The following GNAT3 variants were observed in gnomAD, a reference collection of about 807,000 sequenced individuals.
The protein encoded by GNAT3 is G protein subunit alpha transducin 3, also known as guanine nucleotide-binding protein G(t) subunit alpha-3.
In GNAT3, 31 loss-of-function variants were observed where a neutral mutation model predicts 37.7. That is an observed-to-expected ratio of 0.82 (90% confidence interval 0.62 to 1.11). GNAT3 has a LOEUF of 1.11. Among genes scored for constraint, GNAT3 ranks in the 50% most tolerant of loss-of-function variants. The pLI is 0.00. For missense variants in GNAT3, 437 were observed against 412.5 expected, an observed-to-expected ratio of 1.06 and a Z score of -0.51; for synonymous variants, 138 against 139.8, an observed-to-expected ratio of 0.99 and a Z score of 0.09.
At chr7:80,474,488 T>C in intron 4 of GNAT3, 109 bp from the exon 5 acceptor site, 1 of 401,170 alleles carries the variant, frequency 2.5e-6, no homozygotes, top group Non-Finnish European at 4.2e-6. Flanking sequence ...TATATATATA[T>C]ATTTTTAACT....
intron 3 of GNAT3, among the ~76,000 whole-genome samples, chr7:80,485,668 A>T (rs1406470604): frequency 6.6e-6 from 1 of 152,154 alleles, no homozygotes; most frequent in Non-Finnish European, 1.5e-5. Flanking sequence ...TAATAGTTTA[A>T]TAAAAAATAA....
intron 1 of GNAT3, among the ~76,000 whole-genome samples, chr7:80,503,341 T>C (rs1464033568): frequency 3.9e-5 from 6 of 152,198 alleles, no homozygotes; most frequent in Non-Finnish European, 8.8e-5. Context: ...TTTGTTCTCA[T>C]AGAAATTAGA....
intron 7 of GNAT3, 79 bp downstream of exon 7, chr7:80,462,080 T>G: frequency 2.2e-6 from 2 of 907,946 alleles, no homozygotes; most frequent in South Asian, 3.5e-5. Flanking sequence ...CTCATAAGTA[T>G]TAAATGTCAA....
chr7:80,478,462 G>A (rs1008834516), intron 4 of GNAT3, among the ~76,000 whole-genome samples: 2 of 152,116 alleles, frequency 1.3e-5, no homozygotes, highest in African/African-American at 4.8e-5. Flanking sequence ...ATTAATCTAG[G>A]AGATGATTTC....
chr7:80,481,523 G>C (rs1298010847), intron 3 of GNAT3, among the ~76,000 whole-genome samples: 1 of 152,104 alleles, frequency 6.6e-6, no homozygotes, highest in Non-Finnish European at 1.5e-5. Flanking sequence ...CTCCAGTATA[G>C]AGCAGGCCCT....
Position 80,511,973 on chromosome 7 carries a change from A to G in GNAT3, c.-47T>C. ...CAGTTTATATGTTCAGATTTTTCAA[A>G]TGTTGAGCACAGCTGTGGTTTGGAC... On this transcript the variant is annotated 5_prime_UTR_variant, in exon 1 of 8. Coordinates refer to ENST00000398291, the MANE Select transcript of GNAT3 (RefSeq NM_001102386.3). 3 of 1,357,738 alleles carry G rather than the reference A, an allele frequency of 2.2e-6. No individual in the cohort carries two copies. Among genetic ancestry groups the G allele is most frequent in the Non-Finnish European group, 3.1e-6 (3 of 961,776 alleles). The allele number at this position is 1,357,738 out of a possible 1,614,324, so 84.1% of individuals were successfully genotyped here. A position where few individuals can be genotyped will look rare whatever the true frequency, so the allele number is the denominator to read the frequency against.
At chr7:80,487,002 G>GA (rs573432150) in intron 3 of GNAT3, among the ~76,000 whole-genome samples, 303 of 151,916 alleles carry the variant, frequency 2.0e-3, no homozygotes, top group Non-Finnish European at 3.5e-3. Flanking sequence ...TGCCTAAGAG[G>GA]AAAAAATAAA....
At chr7:80,483,017 T>C (rs1211475159) in intron 3 of GNAT3, among the ~76,000 whole-genome samples, 1 of 152,074 alleles carries the variant, frequency 6.6e-6, no homozygotes. Flanking sequence ...CCTTTTACTT[T>C]TTAAATTTGT....
chr7:80,504,085 A>T (rs936075199), intron 1 of GNAT3, among the ~76,000 whole-genome samples: 1 of 152,128 alleles, frequency 6.6e-6, no homozygotes, highest in African/African-American at 2.4e-5. Flanking sequence ...GGAGGCCGAG[A>T]CAGGCAGATC....
At chr7:80,497,602 A>ACACACACTGTCT (rs1790749960) in intron 1 of GNAT3, among the ~76,000 whole-genome samples, 1 of 120,752 alleles carries the variant, frequency 8.3e-6, no homozygotes, top group African/African-American at 4.0e-5. Context: ...ACGTATATAC[A>ACACACACTGTCT]TATACGTATA....
chr7:80,488,511 A>G lies in GNAT3; in HGVS notation c.303+24T>C, dbSNP rs374015951. 8 of 1,586,772 alleles carry G rather than the reference A, an allele frequency of 5.0e-6. No individual in the cohort carries two copies. In the East Asian group the frequency reaches 9.0e-5, roughly 18 times the overall value. On this transcript the variant is annotated intron_variant, in intron 3 of 7. Coordinates refer to ENST00000398291, the MANE Select transcript of GNAT3 (RefSeq NM_001102386.3). ...GCTCAAACTCTATTGCAGGACATAC[A>G]GCTGTCATTATTTGCATACTTACTG...
In GNAT3 at chr7:80,462,176, C is replaced by G. The variant is rs1790060977; in HGVS notation, c.857G>C (p.Cys286Ser). The stretch of plus-strand genomic sequence containing the variant: ...AATCTTACCAGTGTATTCTGGAAAG[C>G]AGATACTAAGATGCACCTTGGTTAC... ...EKVTKVHLSI[C>S]FPEYTGPNTF... The change falls in exon 7 of 8, where the codon TGC (cysteine) becomes TCC (serine). Residue 286 changes from cysteine (C) to serine (S), a missense_variant. Transcript: ENST00000398291. The G allele has an allele frequency of 6.4e-7, 1 of 1,570,404 alleles. No individual in the cohort carries two copies. Among genetic ancestry groups the G allele is most frequent in the African/African-American group, 1.4e-5 (1 of 74,008 alleles).
chr7:80,505,835 AG>A (rs1296269001), intron 1 of GNAT3, among the ~76,000 whole-genome samples: 1 of 152,108 alleles, frequency 6.6e-6, no homozygotes, highest in African/African-American at 2.4e-5. Flanking sequence ...TCTTAAACTC[AG>A]TTTTACCTTT....
At chr7:80,484,764 C>T (rs575250891) in intron 3 of GNAT3, among the ~76,000 whole-genome samples, 4 of 152,040 alleles carry the variant, frequency 2.6e-5, no homozygotes, top group Non-Finnish European at 4.4e-5. Flanking sequence ...AATTCTAAGC[C>T]TATCAAATAC....
intron 1 of GNAT3, among the ~76,000 whole-genome samples, chr7:80,504,018 T>C (rs1790884704): frequency 6.6e-6 from 1 of 152,162 alleles, no homozygotes; most frequent in African/African-American, 2.4e-5. Context: ...TAGTTCAGAC[T>C]TAGTTTAAAA....
intron 7 of GNAT3, among the ~76,000 whole-genome samples, chr7:80,460,407 G>A (rs938631080): frequency 1.3e-5 from 2 of 152,290 alleles, no homozygotes; most frequent in Middle Eastern, 6.8e-3. Flanking sequence ...TACATGACCT[G>A]CATGTGGCAA....
chr7:80,482,348 G>A (rs1790404038), intron 3 of GNAT3, among the ~76,000 whole-genome samples: 1 of 152,100 alleles, frequency 6.6e-6, no homozygotes, highest in Non-Finnish European at 1.5e-5. Context: ...GAGGAATGAT[G>A]CCATAAAACA....
At chr7:80,460,702 C>T (rs1047325098) in intron 7 of GNAT3, among the ~76,000 whole-genome samples, 7 of 151,710 alleles carry the variant, frequency 4.6e-5, no homozygotes, top group South Asian at 2.1e-4. Flanking sequence ...GAGCTGAGAT[C>T]GTGCCACTGC....
chr7:80,502,746 T>TC (rs903558186), intron 1 of GNAT3, among the ~76,000 whole-genome samples: 3 of 151,730 alleles, frequency 2.0e-5, no homozygotes, highest in African/African-American at 7.3e-5. Context: ...TAAATTATCA[T>TC]CCCTTTCCCT....
Sources: allele counts gnomAD v4.1 joint callset (sites outside exome capture counted in the v4.1 genomes callset), GRCh38; gene constraint gnomAD v4.1.1; transcripts MANE v1.5; gene names NCBI Gene and HGNC (gene_info 2026-07-23, HGNC 2026-07-21).